Variants in RAB6B observed in about 807,000 individuals in gnomAD.
RAB6B encodes the protein ras-related protein Rab-6B.
A neutral mutation model predicts 31.2 loss-of-function variants in RAB6B; 7 were observed. The ratio of observed to expected loss-of-function variants is 0.22; its 90% CI spans 0.13 to 0.42. The LOEUF (loss-of-function observed/expected upper bound fraction) is 0.42. RAB6B is among the 10% of genes least tolerant of loss of function. The pLI is 1.00. For synonymous variants in RAB6B, 105 were observed against 104.9 expected (o/e 1.00, Z -0.01); for missense variants, 149 against 280.6 (o/e 0.53, Z 3.35).
At chr3:133,843,729 GTTAATGGGATGTGAACGTGA>G (rs1421320257) in intron 2 of RAB6B, among the ~76,000 whole-genome samples, 2 of 152,192 alleles carry the variant, frequency 1.3e-5, no homozygotes, top group Admixed American at 1.3e-4. Context: ...CTACATTCTG[GTTAATGGGATGTGAACGTGA>G]TGTAGGCATC....
chr3:133,850,545 G>A (rs1238821981), intron 2 of RAB6B, among the ~76,000 whole-genome samples: 1 of 151,958 alleles, frequency 6.6e-6, no homozygotes, highest in African/African-American at 2.4e-5. Flanking sequence ...AAATACATCT[G>A]AAACAACAGA....
At chr3:133,829,430 A>G (rs993785022) in intron 7 of RAB6B, among the ~76,000 whole-genome samples, 4 of 152,222 alleles carry the variant, frequency 2.6e-5, no homozygotes, top group African/African-American at 9.7e-5. Context: ...TGTGGGCTAA[A>G]GAAGCACTTA....
chr3:133,864,853 C>A (rs1196123879), intron 1 of RAB6B, among the ~76,000 whole-genome samples: 2 of 152,206 alleles, frequency 1.3e-5, no homozygotes, highest in Non-Finnish European at 2.9e-5. Context: ...GCTGTTCCTG[C>A]CAGGCACCAG....
intron 6 of RAB6B, among the ~76,000 whole-genome samples, chr3:133,836,650 C>T (rs1935739539): frequency 6.6e-6 from 1 of 152,098 alleles, no homozygotes; most frequent in Admixed American, 6.5e-5. Context: ...GCTGCCCTGC[C>T]CTCCCTCTGC....
At chr3:133,832,134 C>T (rs2715608) in intron 7 of RAB6B, among the ~76,000 whole-genome samples, 123,492 of 152,120 alleles carry the variant, frequency 0.81, 51,049 homozygotes, top group African/African-American at 0.94. Context: ...TCTTTCTTTG[C>T]GTAAGCCAGC....
chr3:133,880,024 C>A (rs562586830), intron 1 of RAB6B, among the ~76,000 whole-genome samples: 1 of 152,306 alleles, frequency 6.6e-6, no homozygotes, highest in East Asian at 1.9e-4. Flanking sequence ...ACAGGCCAAT[C>A]CTGCCTGTGC....
At chr3:133,849,919 T>TA (rs1288559031) in intron 2 of RAB6B, among the ~76,000 whole-genome samples, 1 of 152,204 alleles carries the variant, frequency 6.6e-6, no homozygotes, top group Non-Finnish European at 1.5e-5. Context: ...TTTCTAGCTC[T>TA]TTGACATCAT....
At chr3:133,856,373 G>C (rs562728702) in intron 2 of RAB6B, among the ~76,000 whole-genome samples, 10 of 151,914 alleles carry the variant, frequency 6.6e-5, no homozygotes, top group Non-Finnish European at 8.8e-5. Context: ...TGGCCCATGG[G>C]TTCTCATCTT....
intron 1 of RAB6B, among the ~76,000 whole-genome samples, chr3:133,891,496 C>T (rs1014204958): frequency 2.6e-5 from 4 of 152,168 alleles, no homozygotes; most frequent in Non-Finnish European, 5.9e-5. Context: ...GCGGGTCAGG[C>T]GCCCCTGCTC....
chr3:133,839,624 G>A lies in RAB6B; in HGVS notation c.290-7C>T, dbSNP rs1935792171. Reference sequence around the variant, plus strand: ...TGTTGGAAGGAGTTGAGATCTGGAGGCAGAAAGTGAGGATAAACTGAAAGC... The same window carrying A: ...TGTTGGAAGGAGTTGAGATCTGGAGACAGAAAGTGAGGATAAACTGAAAGC... On this transcript the variant is annotated splice_region_variant and splice_polypyrimidine_tract_variant and intron_variant, in intron 4 of 7. Coordinates refer to ENST00000285208, the MANE Select transcript of RAB6B (RefSeq NM_016577.4). 2 of 1,603,032 alleles carry A rather than the reference G, an allele frequency of 1.2e-6. No homozygotes were observed. Among genetic ancestry groups the A allele is most frequent in the Non-Finnish European group, 1.7e-6 (2 of 1,169,842 alleles).
chr3:133,861,651 C>T (rs1936162753), intron 2 of RAB6B, among the ~76,000 whole-genome samples: 1 of 152,250 alleles, frequency 6.6e-6, no homozygotes, highest in South Asian at 2.1e-4. Flanking sequence ...GTGGCCAGGC[C>T]ACTTTCTTCT....
intron 2 of RAB6B, among the ~76,000 whole-genome samples, chr3:133,856,538 G>A (rs1936079692): frequency 6.6e-6 from 1 of 152,158 alleles, no homozygotes; most frequent in South Asian, 2.1e-4. Context: ...AGCCTCTAGA[G>A]AGGCTGGGAA....
At chr3:133,854,743 T>G (rs1936050949) in intron 2 of RAB6B, among the ~76,000 whole-genome samples, 1 of 152,230 alleles carries the variant, frequency 6.6e-6, no homozygotes, top group Non-Finnish European at 1.5e-5. Context: ...AGACATACAG[T>G]GCAGAATGAC....
rs1267397179 is a variant in RAB6B, at chr3:133,824,260, ATTG to A, written c.*4525_*4527del. 1.3e-5 allele frequency: 2 copies of A among 152,194 alleles called. No individual in the cohort carries two copies. The highest frequency in any genetic ancestry group is 1.3e-4 in the Admixed American group (2 of 15,276). The allele number at this position is 152,194 out of a possible 1,614,324, so 9.4% of individuals were successfully genotyped here. Reference sequence around the variant, plus strand: ...TTTGTTTTGAGAATTAGGACAGTTTATTGTTTGACCAACATGCTGAGTCTTTTC... The same window carrying A: ...TTTGTTTTGAGAATTAGGACAGTTTATTTGACCAACATGCTGAGTCTTTTC... On this transcript the variant is annotated 3_prime_UTR_variant, in exon 8 of 8. Coordinates refer to ENST00000285208, the MANE Select transcript of RAB6B (RefSeq NM_016577.4).
intron 1 of RAB6B, among the ~76,000 whole-genome samples, chr3:133,877,463 A>G (rs545487694): frequency 3.1e-4 from 47 of 152,276 alleles, no homozygotes; most frequent in African/African-American, 9.9e-4. Flanking sequence ...GAGTCCTCAG[A>G]AGGGCTGGGC....
chr3:133,840,508 G>A (rs1935810252), intron 4 of RAB6B, among the ~76,000 whole-genome samples: 1 of 152,122 alleles, frequency 6.6e-6, no homozygotes, highest in Admixed American at 6.5e-5. Flanking sequence ...GTGGACAGAA[G>A]GGGTGGGCAG....
intron 1 of RAB6B, among the ~76,000 whole-genome samples, chr3:133,892,546 A>T (rs1936650995): frequency 6.6e-6 from 1 of 152,134 alleles, no homozygotes; most frequent in South Asian, 2.1e-4. Context: ...CTTCTTGGGA[A>T]TCCATTGCCC....
chr3:133,875,624 CT>C (rs1369303478), intron 1 of RAB6B, among the ~76,000 whole-genome samples: 1 of 152,186 alleles, frequency 6.6e-6, no homozygotes, highest in Non-Finnish European at 1.5e-5. Context: ...CCCATAGAGC[CT>C]TATGAGCTCT....
chr3:133,854,382 A>G (rs931661262), intron 2 of RAB6B, among the ~76,000 whole-genome samples: 1 of 152,188 alleles, frequency 6.6e-6, no homozygotes, highest in African/African-American at 2.4e-5. Context: ...TAAACGCAGG[A>G]TATCAACACA....
Sources: gnomAD v4.1 joint callset for allele counts (sites outside exome capture counted in the v4.1 genomes callset) on GRCh38, gnomAD v4.1.1 for gene constraint, MANE v1.5 for transcripts, NCBI Gene and HGNC (gene_info 2026-07-23, HGNC 2026-07-21) for gene names.